Variants in SPOCK1 observed in about 807,000 individuals in gnomAD.
SPOCK1 encodes the protein testican-1.
A neutral mutation model predicts 55.3 loss-of-function variants in SPOCK1; 23 were observed. The observed-to-expected ratio is 0.42, with a 90% CI of 0.30 to 0.59. The LOEUF is 0.59. Among genes scored for constraint, SPOCK1 ranks in the 20% least tolerant of loss-of-function variants. The probability of loss-of-function intolerance (pLI) is 0.22; values close to 1 mark genes in which losing one functional copy is unlikely to be tolerated. For synonymous variants in SPOCK1, 226 were observed against 221.0 expected, an observed-to-expected ratio of 1.02 and a Z score of -0.20; for missense variants, 499 against 552.5, an observed-to-expected ratio of 0.90 and a Z score of 0.97.
chr5:137,222,390 G>A (rs1263692064), intron 3 of SPOCK1, among the ~76,000 whole-genome samples: 2 of 152,172 alleles, frequency 1.3e-5, no homozygotes, highest in African/African-American at 2.4e-5. Context: ...TAGCTAATAA[G>A]AGCATTTAGT....
chr5:137,234,585 C>A (rs1756139206), intron 3 of SPOCK1, among the ~76,000 whole-genome samples: 1 of 152,272 alleles, frequency 6.6e-6, no homozygotes, highest in Middle Eastern at 3.4e-3. Context: ...CCCATTGTAT[C>A]TTTTTAAAAG....
rs140380203 is a variant in SPOCK1, at chr5:136,985,165, C to T, written c.966G>A (p.Lys322=). 7.4e-6 allele frequency: 12 copies of T among 1,614,014 alleles called. No homozygotes were observed. The highest frequency in any genetic ancestry group is 1.1e-5 in the South Asian group (1 of 91,090). Residue 322 remains lysine (K), a synonymous_variant, in exon 9 of 11, where the codon AAG becomes AAA. Transcript: ENST00000394945. ...PCQNEMNRIQ[K]LSKGKSLLGA... is the part of the protein sequence containing the mutation. ...CCAACAGGCTTTTCCCCTTACTCAG[C>T]TTCTGAATTCTGTTCATTTCATTCT... is the stretch of plus-strand genomic sequence containing the variant.
At chr5:137,302,383 C>T (rs1258436910) in intron 2 of SPOCK1, among the ~76,000 whole-genome samples, 4 of 146,606 alleles carry the variant, frequency 2.7e-5, no homozygotes, top group Admixed American at 1.4e-4. Flanking sequence ...TCCTGGCCAA[C>T]ACAGTGAAAC....
At chr5:137,112,371 G>C (rs1165975269) in intron 5 of SPOCK1, 64 bp downstream of exon 5, 3 of 1,574,808 alleles carry the variant, frequency 1.9e-6, no homozygotes, top group Admixed American at 1.8e-5. Flanking sequence ...TTTTGGCATA[G>C]AGAAGTGTTA....
At chr5:137,079,554 G>T (rs1752838753) in intron 5 of SPOCK1, among the ~76,000 whole-genome samples, 1 of 137,182 alleles carries the variant, frequency 7.3e-6, no homozygotes, top group Non-Finnish European at 1.5e-5. Flanking sequence ...CCGACTTAGT[G>T]AAATGTCGTA....
chr5:137,050,315 T>C (rs1231007069), intron 6 of SPOCK1, among the ~76,000 whole-genome samples: 22 of 130,938 alleles, frequency 1.7e-4, no homozygotes, highest in Admixed American at 2.3e-4. Context: ...TAGGACCCTC[T>C]GAGCCAGGTG....
chr5:137,039,270 CTTTTTTT>C (rs11479277), intron 6 of SPOCK1, among the ~76,000 whole-genome samples: 6 of 88,898 alleles, frequency 6.7e-5, no homozygotes, highest in Non-Finnish European at 1.3e-4. Flanking sequence ...GCCTGCCACA[CTTTTTTT>C]TTTTTTTTTT....
In SPOCK1 at chr5:136,985,139, C is replaced by CCCA. The variant is rs1750813727; in HGVS notation, c.989_991dup (p.Leu330_Gly331insVal). 1.2e-6 allele frequency: 2 copies of CCCA among 1,613,898 alleles called. No homozygotes were observed. The highest frequency in any genetic ancestry group is 8.5e-7 in the Non-Finnish European group (1 of 1,179,868). On this transcript the variant is annotated inframe_insertion and splice_region_variant. Coordinates refer to ENST00000394945, the MANE Select transcript of SPOCK1 (RefSeq NM_004598.4). ...AATGAGTGGCAAGAAATTGTACTTA[C>CCCA]CCAACAGGCTTTTCCCCTTACTCAG...
chr5:137,189,276 T>A (rs1238444105), intron 3 of SPOCK1, among the ~76,000 whole-genome samples: 1 of 152,240 alleles, frequency 6.6e-6, no homozygotes, highest in Non-Finnish European at 1.5e-5. Flanking sequence ...CATGTTGGAC[T>A]TTCATAGCTA....
intron 3 of SPOCK1, among the ~76,000 whole-genome samples, chr5:137,265,751 A>G (rs1756835181): frequency 6.6e-6 from 1 of 152,146 alleles, no homozygotes; most frequent in African/African-American, 2.4e-5. Flanking sequence ...CCCTTTACAA[A>G]AACATATACA....
intron 7 of SPOCK1, among the ~76,000 whole-genome samples, chr5:136,990,648 C>T (rs1393678823): frequency 3.5e-5 from 1 of 28,200 alleles, no homozygotes; most frequent in Non-Finnish European, 5.5e-5. Context: ...TGATGCTGTC[C>T]CTCAGGGGCT....
At chr5:137,030,833 A>G (rs917659400) in intron 6 of SPOCK1, among the ~76,000 whole-genome samples, 1 of 152,178 alleles carries the variant, frequency 6.6e-6, no homozygotes, top group Non-Finnish European at 1.5e-5. Flanking sequence ...GTCAACTTAA[A>G]CCTGGCAACT....
At chr5:137,397,313 T>C (rs1179196306) in intron 2 of SPOCK1, among the ~76,000 whole-genome samples, 1 of 152,198 alleles carries the variant, frequency 6.6e-6, no homozygotes, top group African/African-American at 2.4e-5. Flanking sequence ...TGGGTATGTG[T>C]GGATGCCAGT....
chr5:137,329,671 C>T (rs886328259), intron 2 of SPOCK1, among the ~76,000 whole-genome samples: 3 of 152,232 alleles, frequency 2.0e-5, no homozygotes, highest in East Asian at 1.9e-4. Flanking sequence ...CACAGAGGAG[C>T]GGTGTGCCCT....
intron 3 of SPOCK1, among the ~76,000 whole-genome samples, chr5:137,155,065 A>G (rs987839348): frequency 6.6e-6 from 1 of 152,218 alleles, no homozygotes; most frequent in African/African-American, 2.4e-5. Flanking sequence ...GGTGGTCAGG[A>G]GGACTGGGTG....
At chr5:137,402,636 C>A (rs1752007418) in intron 2 of SPOCK1, among the ~76,000 whole-genome samples, 1 of 152,190 alleles carries the variant, frequency 6.6e-6, no homozygotes, top group Non-Finnish European at 1.5e-5. Context: ...AACCTGCTCC[C>A]CGCCTTCCCA....
At chr5:137,410,254 T>C (rs1156500139) in intron 2 of SPOCK1, among the ~76,000 whole-genome samples, 1 of 152,216 alleles carries the variant, frequency 6.6e-6, no homozygotes, top group African/African-American at 2.4e-5. Context: ...GCTGATCTAT[T>C]TTCCCTTATC....
chr5:137,201,363 G>A (rs1316318579), intron 3 of SPOCK1, among the ~76,000 whole-genome samples: 1 of 152,148 alleles, frequency 6.6e-6, no homozygotes, highest in East Asian at 1.9e-4. Context: ...ATCCCCCAAA[G>A]ACCATTCAGT....
intron 2 of SPOCK1, among the ~76,000 whole-genome samples, chr5:137,454,985 C>T (rs1753332694): frequency 6.6e-6 from 1 of 152,152 alleles, no homozygotes; most frequent in Non-Finnish European, 1.5e-5. Context: ...AATGGTCTCT[C>T]TTTTCCAAAG....
Sources: gnomAD v4.1 joint callset for allele counts (sites outside exome capture counted in the v4.1 genomes callset) on GRCh38, gnomAD v4.1.1 for gene constraint, MANE v1.5 for transcripts, NCBI Gene and HGNC (gene_info 2026-07-23, HGNC 2026-07-21) for gene names.